TTC29: variants seen among roughly 807,000 people sequenced by gnomAD.
TTC29 encodes the protein tetratricopeptide repeat domain 29.
In TTC29, 49 loss-of-function variants were observed where a neutral mutation model predicts 58.1. The ratio of observed to expected loss-of-function variants is 0.84; its 90% CI spans 0.67 to 1.07. The LOEUF (loss-of-function observed/expected upper bound fraction) is 1.07. TTC29 is among the 50% of genes least tolerant of loss of function. The probability of loss-of-function intolerance (pLI) is 0.00; values close to 1 mark genes in which losing one functional copy is unlikely to be tolerated. For missense variants in TTC29, 582 were observed against 555.6 expected (o/e 1.05, Z -0.48); for synonymous variants, 209 against 196.8 (o/e 1.06, Z -0.52).
chr4:146,713,337 T>C (rs1336636027), intron 11 of TTC29, among the ~76,000 whole-genome samples: 1 of 151,914 alleles, frequency 6.6e-6, no homozygotes, highest in Non-Finnish European at 1.5e-5. Context: ...TTGTCATTCA[T>C]GCATTCATGG....
chr4:146,718,240 T>C (rs1743084815), intron 11 of TTC29, among the ~76,000 whole-genome samples: 1 of 152,168 alleles, frequency 6.6e-6, no homozygotes, highest in Non-Finnish European at 1.5e-5. Context: ...TACCCAGAAG[T>C]AGGATTGCTG....
intron 11 of TTC29, among the ~76,000 whole-genome samples, chr4:146,787,627 C>T (rs1749121142): frequency 2.0e-5 from 3 of 152,324 alleles, no homozygotes; most frequent in East Asian, 3.9e-4. Flanking sequence ...AGAAAATCTT[C>T]TGTGAAAGCT....
At chr4:146,802,945 C>A (rs1750335374) in intron 11 of TTC29, among the ~76,000 whole-genome samples, 2 of 152,066 alleles carry the variant, frequency 1.3e-5, no homozygotes, top group South Asian at 4.2e-4. Context: ...TAGAATTCTT[C>A]AATTCTATTG....
At chr4:146,937,752 C>A in intron 3 of TTC29, 75 bp from the exon 4 acceptor site, 1 of 809,098 alleles carries the variant, frequency 1.2e-6, no homozygotes, top group Non-Finnish European at 1.9e-6. Flanking sequence ...AAAATGCCAC[C>A]AGGAGAATAG....
At chr4:146,852,814 A>C (rs1202320565) in intron 8 of TTC29, among the ~76,000 whole-genome samples, 1 of 152,202 alleles carries the variant, frequency 6.6e-6, no homozygotes, top group African/African-American at 2.4e-5. Context: ...ACCATTTTTG[A>C]TCATAGGGAC....
In TTC29 at chr4:146,874,789, G is replaced by A. The variant is rs756353850; in HGVS notation, c.726C>T (p.Asp242=). 4 of 1,611,712 alleles carry A rather than the reference G, an allele frequency of 2.5e-6. No homozygotes were observed. In the South Asian group the frequency reaches 3.3e-5, roughly 13 times the overall value. The change falls in exon 7 of 13, where the codon GAC becomes GAT. Residue 242 remains aspartate, a synonymous_variant. Transcript: ENST00000325106. Reference sequence around the variant, plus strand: ...TGTATTCTTTATTTTCTAGCATTTTGTCTGAGAGTAATCTGTAAGTCCTCA... The same window carrying A: ...TGTATTCTTTATTTTCTAGCATTTTATCTGAGAGTAATCTGTAAGTCCTCA... ...SLLRTYRLLS[D]KMLENKEYKQ... is the part of the protein sequence containing the mutation.
chr4:146,743,075 T>G (rs1745281519), intron 11 of TTC29, among the ~76,000 whole-genome samples: 1 of 151,872 alleles, frequency 6.6e-6, no homozygotes, highest in African/African-American at 2.4e-5. Flanking sequence ...TCAGCGTTAG[T>G]CAAAGACCTC....
chr4:146,719,573 C>A (rs569285705), intron 11 of TTC29, among the ~76,000 whole-genome samples: 1 of 152,276 alleles, frequency 6.6e-6, no homozygotes, highest in South Asian at 2.1e-4. Flanking sequence ...AGAATTACTG[C>A]AGCAAACCTA....
intron 8 of TTC29, among the ~76,000 whole-genome samples, chr4:146,847,084 C>T (rs544498397): frequency 1.7e-4 from 26 of 152,304 alleles, no homozygotes; most frequent in Non-Finnish European, 3.2e-4. Flanking sequence ...ATTACCCTTT[C>T]ACAGTGATAG....
intron 6 of TTC29, among the ~76,000 whole-genome samples, chr4:146,903,313 T>C (rs1356376848): frequency 1.3e-5 from 2 of 152,088 alleles, no homozygotes; most frequent in African/African-American, 2.4e-5. Flanking sequence ...GTGGGAACTG[T>C]AGGCTGAGCA....
At chr4:146,783,068 C>A (rs1748737447) in intron 11 of TTC29, among the ~76,000 whole-genome samples, 1 of 151,894 alleles carries the variant, frequency 6.6e-6, no homozygotes, top group Non-Finnish European at 1.5e-5. Flanking sequence ...TCCAAATTTT[C>A]TTTTTAACTT....
intron 10 of TTC29, 119 bp downstream of exon 10, chr4:146,820,006 G>C: frequency 7.5e-7 from 1 of 1,335,844 alleles, no homozygotes; most frequent in Non-Finnish European, 1.0e-6. Flanking sequence ...GCAGTCCAGG[G>C]CCATTCTGCA....
At chr4:146,886,428 C>A (rs536813347) in intron 6 of TTC29, among the ~76,000 whole-genome samples, 207 of 152,168 alleles carry the variant, frequency 1.4e-3, no homozygotes, top group African/African-American at 4.5e-3. Flanking sequence ...CTTAAAAAAC[C>A]ATCCTTTATA....
intron 11 of TTC29, among the ~76,000 whole-genome samples, chr4:146,737,209 T>C (rs2150028720): frequency 6.6e-6 from 1 of 152,294 alleles, no homozygotes; most frequent in South Asian, 2.1e-4. Context: ...AATGGAAACC[T>C]GCCCTTTTAA....
intron 6 of TTC29, among the ~76,000 whole-genome samples, chr4:146,877,362 A>C (rs919429668): frequency 1.3e-5 from 2 of 152,184 alleles, no homozygotes; most frequent in Non-Finnish European, 2.9e-5. Context: ...TATACAATGA[A>C]AGTTATTTAA....
At chr4:146,748,959 T>C (rs1745758026) in intron 11 of TTC29, among the ~76,000 whole-genome samples, 1 of 152,150 alleles carries the variant, frequency 6.6e-6, no homozygotes. Context: ...AACAGTAAGA[T>C]ACAATAGAGA....
chr4:146,918,723 G>A (rs1734394337), intron 4 of TTC29, among the ~76,000 whole-genome samples: 1 of 150,954 alleles, frequency 6.6e-6, no homozygotes, highest in South Asian at 2.1e-4. Context: ...ATTTATTCAA[G>A]TGATTCCCAT....
intron 4 of TTC29, among the ~76,000 whole-genome samples, chr4:146,930,999 C>T (rs536897888): frequency 2.6e-5 from 4 of 152,022 alleles, no homozygotes; most frequent in African/African-American, 7.2e-5. Flanking sequence ...TCTAAAACTG[C>T]GAGTTTATCT....
intron 10 of TTC29, among the ~76,000 whole-genome samples, chr4:146,810,331 C>A (rs546284859): frequency 1.3e-5 from 2 of 152,188 alleles, no homozygotes; most frequent in South Asian, 4.2e-4. Context: ...TGCAGCAAAC[C>A]ACCATGGCAC....
Sources: gnomAD v4.1 joint callset for allele counts (sites outside exome capture counted in the v4.1 genomes callset) on GRCh38, gnomAD v4.1.1 for gene constraint, MANE v1.5 for transcripts, NCBI Gene and HGNC (gene_info 2026-07-23, HGNC 2026-07-21) for gene names.